RAB27B: variants seen among roughly 807,000 people sequenced by gnomAD.
RAB27B encodes the protein RAB27B, member RAS oncogene family.
Under a neutral mutation model 24.6 loss-of-function variants are expected in RAB27B, and 15 were observed. The observed-to-expected ratio is 0.61, with a 90% CI of 0.41 to 0.94. RAB27B has a LOEUF of 0.94. Among genes scored for constraint, RAB27B ranks in the 40% least tolerant of loss-of-function variants. RAB27B has a pLI of 0.00. For missense variants in RAB27B, 261 were observed against 266.8 expected, an observed-to-expected ratio of 0.98 and a Z score of 0.15; for synonymous variants, 105 against 92.5, an observed-to-expected ratio of 1.14 and a Z score of -0.78.
chr18:54,872,720 A>G (rs1912527272), intron 1 of RAB27B, among the ~76,000 whole-genome samples: 1 of 152,198 alleles, frequency 6.6e-6, no homozygotes, highest in African/African-American at 2.4e-5. Context: ...TACCTCATTG[A>G]TAAGAAGGGA....
chr18:54,795,745 G>A (rs909476548), intron 2 of RAB27B, among the ~76,000 whole-genome samples: 8 of 152,114 alleles, frequency 5.3e-5, no homozygotes, highest in African/African-American at 1.7e-4. Flanking sequence ...CTAGAAACTT[G>A]TCTCTAAGAC....
chr18:54,763,650 C>T (rs1172173611), intron 2 of RAB27B, among the ~76,000 whole-genome samples: 4 of 152,040 alleles, frequency 2.6e-5, no homozygotes, highest in African/African-American at 7.3e-5. Flanking sequence ...TAGTTCTGTT[C>T]GAAGGAGAGA....
chr18:54,779,519 A>C (rs549750682), intron 2 of RAB27B, among the ~76,000 whole-genome samples: 1 of 152,276 alleles, frequency 6.6e-6, no homozygotes, highest in African/African-American at 2.4e-5. Context: ...TTAATGCCTC[A>C]TGTTACTAGG....
intron 1 of RAB27B, among the ~76,000 whole-genome samples, chr18:54,871,667 G>A (rs1338891246): frequency 4.0e-5 from 6 of 151,808 alleles, no homozygotes; most frequent in Admixed American, 2.0e-4. Flanking sequence ...TGACTAACAC[G>A]GTGAAACCCC....
intron 1 of RAB27B, among the ~76,000 whole-genome samples, chr18:54,874,562 TAAAAA>T (rs11331217): frequency 1.5e-3 from 216 of 143,306 alleles, no homozygotes; most frequent in Admixed American, 4.2e-3. Flanking sequence ...ACACATTTGC[TAAAAA>T]AAAAAAAAAA....
At chr18:54,794,796 ATGTGTTTG>A (rs1909362659) in intron 2 of RAB27B, among the ~76,000 whole-genome samples, 1 of 152,166 alleles carries the variant, frequency 6.6e-6, no homozygotes, top group South Asian at 2.1e-4. Flanking sequence ...CCAACCCCCA[ATGTGTTTG>A]TGTCCCTGCT....
At chr18:54,838,640 T>C (rs1910988127) in intron 1 of RAB27B, among the ~76,000 whole-genome samples, 1 of 152,140 alleles carries the variant, frequency 6.6e-6, no homozygotes, top group African/African-American at 2.4e-5. Context: ...TGAACAAATA[T>C]GTTTTTCATA....
chr18:54,773,674 C>CTT (rs372773293), intron 2 of RAB27B, among the ~76,000 whole-genome samples: 1 of 144,018 alleles, frequency 6.9e-6, no homozygotes. Flanking sequence ...AATCTACTTT[C>CTT]TTTTTTTTTT....
At chr18:54,881,014 G>A (rs75222350) in intron 3 of RAB27B, among the ~76,000 whole-genome samples, 39,634 of 152,024 alleles carry the variant, frequency 0.26, 5,615 homozygotes, top group East Asian at 0.36. Flanking sequence ...TCACATCATG[G>A]GAAGGAAGAG....
In RAB27B at chr18:54,780,271, C is replaced by T. The variant is rs1051153382; in HGVS notation, c.-20+62130C>T. Among the ~76,000 whole-genome samples the T allele has an allele frequency of 7.2e-5, 10 of 138,840 alleles. No homozygotes were observed. In the East Asian group the frequency reaches 1.9e-3, roughly 26 times the overall value. 91.1% of individuals were successfully genotyped at this position (138,840 alleles called of 152,430 possible). A position where few individuals can be genotyped will look rare whatever the true frequency, so the allele number is the denominator to read the frequency against. On this transcript the variant is annotated intron_variant, in intron 2 of 4. Coordinates refer to the RAB27B transcript ENST00000586570. ...TATGTCTCCGCTGTCCTGATGGCTT[C>T]GCCCTCACCGTGTCTTCCGCATCCT...
At chr18:54,742,807 T>C (rs1305530835) in intron 2 of RAB27B, among the ~76,000 whole-genome samples, 1 of 152,202 alleles carries the variant, frequency 6.6e-6, no homozygotes, top group East Asian at 1.9e-4. Context: ...TGTGCTTTCC[T>C]CTGTGGATGT....
intron 2 of RAB27B, among the ~76,000 whole-genome samples, chr18:54,756,828 T>C (rs1446754162): frequency 6.6e-6 from 1 of 152,208 alleles, no homozygotes; most frequent in Non-Finnish European, 1.5e-5. Context: ...TAAAAGATGA[T>C]GAATTTCTGT....
In RAB27B at chr18:54,769,425, C is replaced by G. The variant is rs1187209801; in HGVS notation, c.-20+51284C>G. Among the ~76,000 whole-genome samples, 5 of 149,952 alleles carry G rather than the reference C, an allele frequency of 3.3e-5. No homozygotes were observed. The Admixed American group carries it at 3.4e-4, about 10-fold the overall frequency. On this transcript the variant is annotated intron_variant, in intron 2 of 4. Coordinates refer to the RAB27B transcript ENST00000586570. ...TTTCAATTTGATCTTCTAGAAATAG[C>G]CTCTTTTATTGTTTGTCCATCTTGT...
At chr18:54,886,613 C>A (rs2145291252) in intron 4 of RAB27B, among the ~76,000 whole-genome samples, 1 of 151,934 alleles carries the variant, frequency 6.6e-6, no homozygotes, top group East Asian at 1.9e-4. Flanking sequence ...TATTTCATTA[C>A]CCAAATTTTG....
intron 1 of RAB27B, among the ~76,000 whole-genome samples, chr18:54,843,856 A>G (rs547604731): frequency 1.3e-5 from 2 of 152,362 alleles, no homozygotes; most frequent in East Asian, 3.9e-4. Flanking sequence ...ATTTAACATT[A>G]AAAATCATGA....
chr18:54,805,227 C>T (rs1298056157), intron 2 of RAB27B, among the ~76,000 whole-genome samples: 2 of 152,218 alleles, frequency 1.3e-5, no homozygotes, highest in East Asian at 3.9e-4. Context: ...AAGTGGGAAT[C>T]TTATCAAGTG....
In RAB27B at chr18:54,775,676, A is replaced by G. The variant is rs150691025; in HGVS notation, c.-20+57535A>G. Among the ~76,000 whole-genome samples, 214 of 152,300 alleles carry G rather than the reference A, an allele frequency of 1.4e-3. 4 individuals are homozygous for G. In the South Asian group the frequency reaches 0.028, roughly 20 times the overall value. On this transcript the variant is annotated intron_variant, in intron 2 of 4. Transcript: ENST00000586570. ...TCATCAACTTCTATATCCCTCTCCC[A>G]TGAAACTACTTGTAATTTCCTCCAC...
At chr18:54,780,435 C>G (rs540674079) in intron 2 of RAB27B, among the ~76,000 whole-genome samples, 1 of 143,602 alleles carries the variant, frequency 7.0e-6, no homozygotes, top group Admixed American at 6.9e-5. Context: ...TCCCCCTCAC[C>G]GTGTCTTCCC....
At chr18:54,759,538 C>T (rs763246489) in intron 2 of RAB27B, among the ~76,000 whole-genome samples, 5 of 152,176 alleles carry the variant, frequency 3.3e-5, no homozygotes, top group African/African-American at 9.7e-5. Flanking sequence ...TCTGTGATAC[C>T]GACAGAAGGC....
Sources: allele counts gnomAD v4.1 joint callset (sites outside exome capture counted in the v4.1 genomes callset), GRCh38; gene constraint gnomAD v4.1.1; transcripts MANE v1.5; gene names NCBI Gene and HGNC (gene_info 2026-07-23, HGNC 2026-07-21).